Variants in C4orf51 observed in about 807,000 individuals in gnomAD.
C4orf51 encodes the protein chromosome 4 open reading frame 51, also known as uncharacterized protein C4orf51.
C4orf51 carries 25 observed loss-of-function variants against 25.2 expected under a neutral mutation model. That is an observed-to-expected ratio of 0.99 (90% CI 0.72 to 1.39). The LOEUF (loss-of-function observed/expected upper bound fraction) is 1.39, where lower values mean the gene tolerates loss of function less well. Ranked by LOEUF, C4orf51 falls within the 40% of genes most tolerant of loss-of-function variation. The pLI, the probability that C4orf51 is intolerant of heterozygous loss-of-function variation, is 0.00. For synonymous variants in C4orf51, 100 were observed against 84.5 expected (o/e 1.18, Z -1.01); for missense variants, 252 against 239.6 (o/e 1.05, Z -0.34).
At position 145,761,297 on chromosome 4, in the gene C4orf51, T is replaced by C; in HGVS notation, n.167-9691T>C. On this transcript the variant is annotated intron_variant and non_coding_transcript_variant, in intron 1 of 1. Transcript: ENST00000510096. This position sits in a 1 kb window ranked among gnomAD's most constrained non-coding sequence, Gnocchi z 6.8. ...TGGCGTGGGGCGTGCTTCAGCTTCT[T>C]GTGCAGGTTGAGATTGTCCTTGCGC... 7.8e-7 allele frequency: 1 copy of C among 1,289,912 alleles called. No individual in the cohort carries two copies. Among genetic ancestry groups the C allele is most frequent in the Non-Finnish European group, 1.0e-6 (1 of 988,884 alleles). The allele number at this position is 1,289,912 out of a possible 1,614,324, so 79.9% of individuals were successfully genotyped here. A position where few individuals can be genotyped will look rare whatever the true frequency, so the allele number is the denominator to read the frequency against.
downstream of C4orf51, among the ~76,000 whole-genome samples, chr4:145,772,015 G>A (rs1736364866): frequency 6.6e-6 from 1 of 152,182 alleles, no homozygotes; most frequent in Non-Finnish European, 1.5e-5. Context: ...ACTACTTATG[G>A]TACCATAGGG....
chr4:145,687,567 T>C (rs867435458), intron 1 of C4orf51, among the ~76,000 whole-genome samples: 1 of 152,244 alleles, frequency 6.6e-6, no homozygotes, highest in Non-Finnish European at 1.5e-5. Flanking sequence ...ATTGACCTCA[T>C]TGTTGCTTAG....
chr4:145,722,653 T>G (rs1478802327), intron 2 of C4orf51, among the ~76,000 whole-genome samples: 1 of 152,184 alleles, frequency 6.6e-6, no homozygotes, highest in African/African-American at 2.4e-5. Flanking sequence ...CTCTGGGACC[T>G]ATCTTCAGAA....
chr4:145,711,916 G>C (rs564037489), intron 2 of C4orf51, among the ~76,000 whole-genome samples: 3 of 151,976 alleles, frequency 2.0e-5, no homozygotes, highest in African/African-American at 7.2e-5. Flanking sequence ...TTTTCCAACA[G>C]TATGTATTCA....
chr4:145,725,318 C>A (rs77398771), intron 2 of C4orf51, among the ~76,000 whole-genome samples: 4,027 of 152,126 alleles, frequency 0.026, 148 homozygotes, highest in African/African-American at 0.084. Context: ...GAAATAGGTA[C>A]CTTCATTCAT....
At chr4:145,694,324 G>A (rs1729882873) in intron 1 of C4orf51, among the ~76,000 whole-genome samples, 1 of 148,116 alleles carries the variant, frequency 6.8e-6, no homozygotes, top group South Asian at 2.2e-4. Flanking sequence ...CCCAGACGAT[G>A]GGCAGCCAGG....
chr4:145,776,469 GA>G, the C4orf51 span, among the ~76,000 whole-genome samples: 40,845 of 129,838 alleles, frequency 0.31, 5,854 homozygotes, highest in African/African-American at 0.38. Context: ...TCAAAAAAAA[GA>G]AAAAAAAAAA....
At chr4:145,770,987 G>A (rs1423434640) in intron 1 of C4orf51, 24 of 152,170 alleles carry the variant, frequency 1.6e-4, no homozygotes, top group Admixed American at 1.6e-3. Context: ...TAACTTAACA[G>A]GTGGAATATA....
the C4orf51 span, among the ~76,000 whole-genome samples, chr4:145,777,149 G>A: frequency 7.4e-4 from 113 of 152,342 alleles, no homozygotes; most frequent in African/African-American, 2.6e-3. Context: ...TGTTATAGGT[G>A]GTCCCCAACA....
At chr4:145,692,557 T>C (rs1729655685) in intron 1 of C4orf51, among the ~76,000 whole-genome samples, 2 of 152,194 alleles carry the variant, frequency 1.3e-5, no homozygotes, top group African/African-American at 4.8e-5. Flanking sequence ...ACTGCTGCTG[T>C]CATTAGGAGA....
chr4:145,715,467 A>G (rs1731358048), intron 2 of C4orf51, among the ~76,000 whole-genome samples: 1 of 152,120 alleles, frequency 6.6e-6, no homozygotes, highest in Admixed American at 6.5e-5. Flanking sequence ...TGGGCTGAGG[A>G]GCTCTCTCTT....
intron 1 of C4orf51, among the ~76,000 whole-genome samples, chr4:145,693,948 G>A (rs1408133229): frequency 7.1e-6 from 1 of 141,622 alleles, no homozygotes; most frequent in Non-Finnish European, 1.6e-5. Context: ...CTTCCCAGAT[G>A]GGGTGGCTGC....
intron 2 of C4orf51, among the ~76,000 whole-genome samples, chr4:145,706,170 T>C (rs983847452): frequency 6.6e-6 from 1 of 152,238 alleles, no homozygotes; most frequent in African/African-American, 2.4e-5. Context: ...TCCTCAGTTT[T>C]ATTAAAGACA....
At chr4:145,699,000 T>C (rs1161893770) in intron 2 of C4orf51, among the ~76,000 whole-genome samples, 1 of 151,900 alleles carries the variant, frequency 6.6e-6, no homozygotes, top group Admixed American at 6.6e-5. Flanking sequence ...CCTTAACTGA[T>C]GACATTACCT....
Position 145,680,162 on chromosome 4 carries a change from G to A in C4orf51, c.-42G>A, listed in dbSNP as rs770796417. 1.4e-6 allele frequency: 2 copies of A among 1,398,198 alleles called. No homozygotes were observed. The highest frequency in any genetic ancestry group is 2.8e-5 in the African/African-American group (2 of 70,526). The allele number at this position is 1,398,198 out of a possible 1,614,324, so 86.6% of individuals were successfully genotyped here. A position where few individuals can be genotyped will look rare whatever the true frequency, so the allele number is the denominator to read the frequency against. ...AAGGAAATTAATTCTTCATTATGCA[G>A]AGGACTTGACAAGTTGTTTTCCAGA... On this transcript the variant is annotated 5_prime_UTR_variant, in exon 1 of 6. Coordinates refer to ENST00000438731, the MANE Select transcript of C4orf51 (RefSeq NM_001080531.3).
In C4orf51 at chr4:145,708,061, A is replaced by C. The variant is rs548813620; in HGVS notation, c.307+11429A>C. Among the ~76,000 whole-genome samples, 3 of 152,362 alleles carry C rather than the reference A, an allele frequency of 2.0e-5. No individual in the cohort carries two copies. In the East Asian group the frequency reaches 5.8e-4, roughly 29 times the overall value. ...TTATCCCATTGGGGCAGTGCCTTCC[A>C]GTGCCCTGGCTTCCTGCACCAATGG... On this transcript the variant is annotated intron_variant, in intron 2 of 5. Coordinates refer to ENST00000438731, the MANE Select transcript of C4orf51 (RefSeq NM_001080531.3).
the C4orf51 span, among the ~76,000 whole-genome samples, chr4:145,790,200 T>G: frequency 6.6e-6 from 1 of 152,192 alleles, no homozygotes; most frequent in African/African-American, 2.4e-5. Flanking sequence ...CTATAAAATA[T>G]GGGCACATAT....
chr4:145,710,627 T>C (rs1408301326), intron 2 of C4orf51, among the ~76,000 whole-genome samples: 1 of 152,182 alleles, frequency 6.6e-6, no homozygotes, highest in Non-Finnish European at 1.5e-5. Flanking sequence ...CACTTACCCA[T>C]CTCCTGAAAT....
At chr4:145,686,679 A>G (rs1005053432) in intron 1 of C4orf51, among the ~76,000 whole-genome samples, 1 of 152,230 alleles carries the variant, frequency 6.6e-6, no homozygotes, top group South Asian at 2.1e-4. Context: ...AGGTTTGCAC[A>G]TTGTAACTTG....
Sources: gnomAD v4.1 joint callset for allele counts (sites outside exome capture counted in the v4.1 genomes callset) on GRCh38, gnomAD v4.1.1 for gene constraint, Gnocchi (gnomAD v3.1) non-coding constraint, MANE v1.5 for transcripts, NCBI Gene and HGNC (gene_info 2026-07-23, HGNC 2026-07-21) for gene names.